Variants in LPP observed in about 807,000 individuals in gnomAD.
LPP encodes the protein lipoma-preferred partner.
In LPP, 38 loss-of-function variants were observed where a neutral mutation model predicts 60.4. The ratio of observed to expected loss-of-function variants is 0.63; its 90% confidence interval spans 0.49 to 0.83. The LOEUF (loss-of-function observed/expected upper bound fraction) is 0.83. Among genes scored for constraint, LPP ranks in the 40% least tolerant of loss-of-function variants. LPP has a pLI of 0.00. For synonymous variants in LPP, 328 were observed against 290.8 expected (o/e 1.13, Z -1.30); for missense variants, 902 against 783.6 (o/e 1.15, Z -1.80).
At chr3:188,594,409 G>GAATGGGT (rs971817060) in intron 6 of LPP, among the ~76,000 whole-genome samples, 28 of 152,278 alleles carry the variant, frequency 1.8e-4, no homozygotes, top group African/African-American at 6.3e-4. Flanking sequence ...TTTAAAAAAT[G>GAATGGGT]AATGGGTTGC....
At chr3:188,403,482 A>G (rs1198370238) in intron 3 of LPP, among the ~76,000 whole-genome samples, 2 of 152,226 alleles carry the variant, frequency 1.3e-5, no homozygotes, top group African/African-American at 4.8e-5. Flanking sequence ...TATACTACCA[A>G]TGTGCATAAT....
chr3:188,180,121 C>T (rs1182920329), intron 1 of LPP: 2 of 152,674 alleles, frequency 1.3e-5, no homozygotes, highest in African/African-American at 4.8e-5. Flanking sequence ...TATCTTCCTG[C>T]TCTCCCTGGC....
At chr3:188,443,946 C>G (rs1270505427) in intron 4 of LPP, among the ~76,000 whole-genome samples, 1 of 152,116 alleles carries the variant, frequency 6.6e-6, no homozygotes. Flanking sequence ...GATGGTGTGC[C>G]CTTAATTTTG....
chr3:188,863,717 A>G (rs1260179594), intron 9 of LPP, among the ~76,000 whole-genome samples: 1 of 152,224 alleles, frequency 6.6e-6, no homozygotes, highest in Non-Finnish European at 1.5e-5. Context: ...GGCATTTTGC[A>G]ATAGGCTGAT....
rs570208882 is a variant in LPP, at chr3:188,837,240, G to A, written c.1411-28960G>A. On this transcript the variant is annotated intron_variant, in intron 9 of 11. Transcript: ENST00000617246. ...CTAAAAATACAAAAATTAGCCAGGTGTGGTGGCTGGCGCCTGTGGTCCCAG... is the reference window on the plus strand; with the variant it reads ...CTAAAAATACAAAAATTAGCCAGGTATGGTGGCTGGCGCCTGTGGTCCCAG... 6.6e-5 allele frequency among the ~76,000 whole-genome samples: 10 copies of A among 152,028 alleles called. No homozygotes were observed. The South Asian group carries it at 2.1e-3, about 32-fold the overall frequency.
intron 6 of LPP, among the ~76,000 whole-genome samples, chr3:188,589,126 C>T (rs1838123786): frequency 6.6e-6 from 1 of 151,646 alleles, no homozygotes; most frequent in Admixed American, 6.6e-5. Context: ...TTTTTTATAT[C>T]TATATACATA....
intron 9 of LPP, among the ~76,000 whole-genome samples, chr3:188,765,861 CTTTTTTTTTTTTTT>C (rs71169019): frequency 1.1e-5 from 1 of 92,618 alleles, no homozygotes; most frequent in Non-Finnish European, 2.0e-5. Context: ...ATGTTCAACT[CTTTTTTTTTTTTTT>C]TTTTTTTTTT....
intron 9 of LPP, among the ~76,000 whole-genome samples, chr3:188,833,417 G>A (rs995707054): frequency 5.9e-5 from 9 of 152,236 alleles, no homozygotes; most frequent in African/African-American, 1.7e-4. Context: ...ATGCCAGTGA[G>A]ACAGAGTTGA....
intron 7 of LPP, among the ~76,000 whole-genome samples, chr3:188,692,628 T>C (rs1371614620): frequency 1.3e-5 from 2 of 152,236 alleles, no homozygotes; most frequent in East Asian, 3.9e-4. Flanking sequence ...ATGGACATTT[T>C]TGTGTGTCTA....
In LPP at chr3:188,522,784, A is replaced by AATATATATATATAT. The variant is rs61033243; in HGVS notation, c.307-1862_307-1849dup. Reference sequence around the variant, plus strand: ...TGTTTTAGATAATGTGATAATATGAAATATATATATATATATATATATATA... The same window carrying AATATATATATATAT: ...TGTTTTAGATAATGTGATAATATGAAATATATATATATATATATATATATATATATATATATATA... On this transcript the variant is annotated intron_variant, in intron 5 of 11. Coordinates refer to ENST00000617246, the MANE Select transcript of LPP (RefSeq NM_001375462.1). 6.7e-3 allele frequency among the ~76,000 whole-genome samples: 840 copies of AATATATATATATAT among 125,112 alleles called. 3 individuals are homozygous for AATATATATATATAT. The highest frequency in any genetic ancestry group is 0.017 in the East Asian group (48 of 2,894). The allele number at this position is 125,112 out of a possible 152,430, so 82.1% of individuals were successfully genotyped here. A position where few individuals can be genotyped will look rare whatever the true frequency, so the allele number is the denominator to read the frequency against.
At chr3:188,338,481 A>G (rs377231690) in intron 2 of LPP, among the ~76,000 whole-genome samples, 10 of 152,256 alleles carry the variant, frequency 6.6e-5, no homozygotes, top group African/African-American at 2.2e-4. Flanking sequence ...ACTTATGAAA[A>G]TGACCAAATT....
rs1287303395 is a variant in LPP, at chr3:188,876,156, A to C, written c.*1677A>C. 2.7e-5 allele frequency: 5 copies of C among 187,840 alleles called. No homozygotes were observed. Among genetic ancestry groups the C allele is most frequent in the Admixed American group, 1.9e-4 (3 of 16,172 alleles). 11.6% of individuals were successfully genotyped at this position (187,840 alleles called of 1,614,324 possible). A position where few individuals can be genotyped will look rare whatever the true frequency, so the allele number is the denominator to read the frequency against. On this transcript the variant is annotated 3_prime_UTR_variant, in exon 12 of 12. Coordinates refer to ENST00000617246, the MANE Select transcript of LPP (RefSeq NM_001375462.1). ...AGTTTTTTTTCTAGTTTTTAATTTT[A>C]ACATCAGAACTGAAATAAAAAATTA...
chr3:188,375,607 T>C (rs1440225304), intron 3 of LPP, among the ~76,000 whole-genome samples: 1 of 152,194 alleles, frequency 6.6e-6, no homozygotes, highest in Middle Eastern at 3.2e-3. Context: ...TTCTTCTTTA[T>C]TAGTCTTGCT....
chr3:188,243,823 C>T (rs992490044), intron 2 of LPP, among the ~76,000 whole-genome samples: 3 of 151,926 alleles, frequency 2.0e-5, no homozygotes, highest in African/African-American at 7.3e-5. Context: ...TTCACTCTGA[C>T]ACTAATCTGA....
intron 4 of LPP, chr3:188,472,441 A>G (rs1435485931): frequency 1.3e-5 from 2 of 152,140 alleles, no homozygotes; most frequent in African/African-American, 2.4e-5. Context: ...GAGTGTCTCT[A>G]TTTGATTATT....
chr3:188,628,343 C>T (rs548958389), intron 7 of LPP, among the ~76,000 whole-genome samples: 262 of 151,798 alleles, frequency 1.7e-3, no homozygotes, highest in Non-Finnish European at 3.2e-3. Flanking sequence ...ATAAGATTGT[C>T]AGACTACTAG....
intron 8 of LPP, among the ~76,000 whole-genome samples, chr3:188,740,915 C>T (rs1227308120): frequency 2.0e-5 from 3 of 151,866 alleles, no homozygotes; most frequent in Non-Finnish European, 4.4e-5. Flanking sequence ...TCTCAGTTTC[C>T]ATGACCATGC....
At chr3:188,649,923 T>G (rs1220474594) in intron 7 of LPP, among the ~76,000 whole-genome samples, 2 of 152,218 alleles carry the variant, frequency 1.3e-5, no homozygotes, top group African/African-American at 4.8e-5. Context: ...TTATAGGTAA[T>G]AATTATTAAG....
intron 5 of LPP, among the ~76,000 whole-genome samples, chr3:188,486,170 A>T (rs1441684909): frequency 6.6e-6 from 1 of 152,160 alleles, no homozygotes. Flanking sequence ...TAAGAAGTGT[A>T]AAAGAGAAAA....
Sources: allele counts gnomAD v4.1 joint callset (sites outside exome capture counted in the v4.1 genomes callset), GRCh38; gene constraint gnomAD v4.1.1; transcripts MANE v1.5; gene names NCBI Gene and HGNC (gene_info 2026-07-23, HGNC 2026-07-21).